The following STK10 variants were observed in gnomAD, a reference collection of about 807,000 sequenced individuals.
The protein encoded by STK10 is serine/threonine-protein kinase 10.
In STK10, 78 loss-of-function variants were observed where a neutral mutation model predicts 113.8. The ratio of observed to expected loss-of-function variants is 0.69; its 90% CI spans 0.57 to 0.83. STK10 has a LOEUF of 0.83. STK10 is among the 40% of genes least tolerant of loss of function. The pLI is 0.00. For synonymous variants in STK10, 465 were observed against 494.7 expected, an observed-to-expected ratio of 0.94 and a Z score of 0.80; for missense variants, 1,109 against 1,280.1, an observed-to-expected ratio of 0.87 and a Z score of 2.04.
At chr5:172,052,828 G>C in intron 18 of STK10, 101 bp downstream of exon 18, 1 of 1,097,842 alleles carries the variant, frequency 9.1e-7, no homozygotes, top group South Asian at 1.4e-5. Context: ...CACAAAGCAA[G>C]AGTCCACCAA....
At chr5:172,159,966 T>C (rs2113821535) in intron 1 of STK10, among the ~76,000 whole-genome samples, 1 of 151,118 alleles carries the variant, frequency 6.6e-6, no homozygotes, top group South Asian at 2.1e-4. Context: ...TGAAACCCCA[T>C]CTCTACTAAA....
At chr5:172,104,102 C>G (rs1769049511) in intron 7 of STK10, among the ~76,000 whole-genome samples, 1 of 152,240 alleles carries the variant, frequency 6.6e-6, no homozygotes, top group Non-Finnish European at 1.5e-5. Flanking sequence ...CTGGGAAAAG[C>G]TGGGTGAATA....
intron 1 of STK10, among the ~76,000 whole-genome samples, chr5:172,167,583 C>T (rs971314163): frequency 6.6e-6 from 1 of 152,228 alleles, no homozygotes; most frequent in African/African-American, 2.4e-5. Flanking sequence ...AGAGAGACCA[C>T]TTCATCTGAG....
At position 172,044,780 on chromosome 5, in the gene STK10, C is replaced by T. The variant is rs1180457830; in HGVS notation, c.*102G>A. Reference sequence around the variant, plus strand: ...GCGAGGGGCTGGATTTGAGCTGGCACAGACGCAAGAGGGAAAAGGGGTCCT... The same window carrying T: ...GCGAGGGGCTGGATTTGAGCTGGCATAGACGCAAGAGGGAAAAGGGGTCCT... On this transcript the variant is annotated 3_prime_UTR_variant, in exon 19 of 19. Transcript: ENST00000176763. The surrounding 1 kb of genome is among the most constrained non-coding windows in gnomAD (Gnocchi z 4.5). 17 of 1,588,326 alleles carry T rather than the reference C, an allele frequency of 1.1e-5. No individual in the cohort carries two copies. The highest frequency in any genetic ancestry group is 1.1e-5 in the Non-Finnish European group (13 of 1,165,682).
In STK10 at chr5:172,120,164, C is replaced by A. The variant is rs1156230274; in HGVS notation, c.371-2534G>T. Among the ~76,000 whole-genome samples the A allele has an allele frequency of 6.6e-6, 1 of 152,134 alleles. No homozygotes were observed. Among genetic ancestry groups the A allele is most frequent in the African/African-American group, 2.4e-5 (1 of 41,440 alleles). On this transcript the variant is annotated intron_variant, in intron 3 of 18. Transcript: ENST00000176763. The surrounding 1 kb of genome is among the most constrained non-coding windows in gnomAD (Gnocchi z 4.0). Reference sequence around the variant, plus strand: ...CCCAAGACCCCTGTGACCAGGGGAGCCACCTCCCTTGGCCTGCCAGGTTCC... The same window carrying A: ...CCCAAGACCCCTGTGACCAGGGGAGACACCTCCCTTGGCCTGCCAGGTTCC...
chr5:172,053,391 C>G (rs983693352), intron 17 of STK10, among the ~76,000 whole-genome samples: 1 of 151,758 alleles, frequency 6.6e-6, no homozygotes. Context: ...AGACTTCCAG[C>G]CTTCAGAACT....
At chr5:172,083,474 A>G (rs1768478871) in intron 10 of STK10, among the ~76,000 whole-genome samples, 1 of 152,242 alleles carries the variant, frequency 6.6e-6, no homozygotes, top group African/African-American at 2.4e-5. Context: ...CTACATTTTC[A>G]TGATGTAGAA....
intron 3 of STK10, among the ~76,000 whole-genome samples, chr5:172,126,843 G>A (rs532696040): frequency 1.2e-4 from 19 of 152,292 alleles, no homozygotes; most frequent in African/African-American, 4.3e-4. Context: ...TCCTGAGAGT[G>A]TGTGGGGTCC....
At chr5:172,063,287 T>A (rs1382672671) in intron 13 of STK10, among the ~76,000 whole-genome samples, 1 of 151,888 alleles carries the variant, frequency 6.6e-6, no homozygotes, top group Non-Finnish European at 1.5e-5. Context: ...AAACTCCCAG[T>A]TTTGAAACTC....
intron 1 of STK10, among the ~76,000 whole-genome samples, chr5:172,160,973 G>A (rs1043414062): frequency 6.6e-6 from 1 of 152,204 alleles, no homozygotes; most frequent in African/African-American, 2.4e-5. Flanking sequence ...ATTTAACAGA[G>A]CACTACTGGG....
chr5:172,078,747 G>A (rs746085327), intron 12 of STK10, among the ~76,000 whole-genome samples: 25 of 150,868 alleles, frequency 1.7e-4, no homozygotes, highest in Non-Finnish European at 3.2e-4. Context: ...GAATGTGAGC[G>A]GAACCCCAGG....
chr5:172,101,490 T>G (rs951269313), intron 7 of STK10, among the ~76,000 whole-genome samples: 16 of 142,960 alleles, frequency 1.1e-4, no homozygotes, highest in African/African-American at 4.2e-4. Context: ...AAAAAAAAAG[T>G]CAATTTATTT....
intron 3 of STK10, among the ~76,000 whole-genome samples, chr5:172,121,674 C>T (rs867367399): frequency 2.2e-4 from 33 of 152,118 alleles, no homozygotes; most frequent in Admixed American, 3.9e-4. Flanking sequence ...GGTGTGGTTG[C>T]ACTCCAGCCT....
At chr5:172,086,497 A>C (rs556774703) in intron 10 of STK10, among the ~76,000 whole-genome samples, 27 of 152,324 alleles carry the variant, frequency 1.8e-4, no homozygotes, top group African/African-American at 6.5e-4. Flanking sequence ...AAGGAAAGGC[A>C]AGCAAAGAGA....
chr5:172,150,696 A>G (rs6871819), intron 2 of STK10, among the ~76,000 whole-genome samples: 79,432 of 151,798 alleles, frequency 0.52, 23,256 homozygotes, highest in African/African-American at 0.81. Context: ...ACAAGCCACA[A>G]AAACCCTGGC....
rs1256852576 is a variant in STK10, at chr5:172,096,449, C to G, written c.982G>C (p.Glu328Gln). Residue 328 changes from glutamate (E) to glutamine (Q), a missense_variant, in exon 8 of 19, where the codon GAG becomes CAG. Physicochemically the swap from Glu to Gln is conservative, Grantham distance 29. Transcript: ENST00000176763. ...ACGGAGGCGGCATCCACGGCGTCCTCCTCTTCCCCCTCATCCCGGCCGTCT... is the reference window on the plus strand; with the variant it reads ...ACGGAGGCGGCATCCACGGCGTCCTGCTCTTCCCCCTCATCCCGGCCGTCT... ...IEDGRDEGEE[E>Q]DAVDAASTLE... The G allele has an allele frequency of 4.3e-6, 7 of 1,613,218 alleles. No homozygotes were observed. The highest frequency in any genetic ancestry group is 5.9e-6 in the Non-Finnish European group (7 of 1,179,988).
At chr5:172,107,459 A>C (rs1435958611) in intron 5 of STK10, among the ~76,000 whole-genome samples, 1 of 152,206 alleles carries the variant, frequency 6.6e-6, no homozygotes, top group African/African-American at 2.4e-5. Context: ...CTCAATACAT[A>C]CGTGGCGAAT....
At chr5:172,168,506 C>T (rs1004852105) in intron 1 of STK10, among the ~76,000 whole-genome samples, 1 of 152,128 alleles carries the variant, frequency 6.6e-6, no homozygotes, top group Non-Finnish European at 1.5e-5. Context: ...AGGACAGGAG[C>T]CTTATGCACC....
At chr5:172,070,323 A>G (rs1278491533) in intron 12 of STK10, among the ~76,000 whole-genome samples, 2 of 151,428 alleles carry the variant, frequency 1.3e-5, no homozygotes, top group African/African-American at 2.4e-5. Flanking sequence ...AAATCAAACT[A>G]AAAAACAATA....
Sources: allele counts gnomAD v4.1 joint callset (sites outside exome capture counted in the v4.1 genomes callset), GRCh38; gene constraint gnomAD v4.1.1; non-coding constraint Gnocchi (gnomAD v3.1); transcripts MANE v1.5; gene names NCBI Gene and HGNC (gene_info 2026-07-23, HGNC 2026-07-21).